The following P2RY14 variants were observed in gnomAD, a reference collection of about 807,000 sequenced individuals.
P2RY14 encodes purinergic receptor P2Y14.
A neutral mutation model predicts 0.9 loss-of-function variants in P2RY14; 2 were observed. The ratio of observed to expected loss-of-function variants is 2.16; its 90% CI spans 0.88 to 6.79. The LOEUF (loss-of-function observed/expected upper bound fraction) is 6.79. P2RY14 is among the 30% of genes most tolerant of loss of function. P2RY14 has a pLI of 0.05. For missense variants in P2RY14, 378 were observed against 400.1 expected, an observed-to-expected ratio of 0.94 and a Z score of 0.47; for synonymous variants, 158 against 147.2, an observed-to-expected ratio of 1.07 and a Z score of -0.53.
chr3:151,245,135 G>C (rs1370126944), intron 1 of P2RY14, among the ~76,000 whole-genome samples: 2 of 152,122 alleles, frequency 1.3e-5, no homozygotes, highest in African/African-American at 4.8e-5. Flanking sequence ...CAATAGCTTA[G>C]CAACCAAAAA....
At chr3:151,225,237 A>G (rs1240255909) in intron 1 of P2RY14, among the ~76,000 whole-genome samples, 1 of 151,606 alleles carries the variant, frequency 6.6e-6, no homozygotes, top group Non-Finnish European at 1.5e-5. Flanking sequence ...AATTGGCTAC[A>G]CTCCCCTTAT....
chr3:151,256,857 T>G (rs951409378), intron 1 of P2RY14, among the ~76,000 whole-genome samples: 1 of 151,826 alleles, frequency 6.6e-6, no homozygotes, highest in Non-Finnish European at 1.5e-5. Flanking sequence ...AGGTTTTTTT[T>G]TTGTTGTTTT....
chr3:151,266,823 G>A (rs1011011599), intron 1 of P2RY14, among the ~76,000 whole-genome samples: 6 of 152,194 alleles, frequency 3.9e-5, no homozygotes, highest in East Asian at 1.9e-4. Flanking sequence ...GATGTCCTAC[G>A]AAGGGAAAAC....
chr3:151,221,009 G>C (rs1729232497), intron 1 of P2RY14, among the ~76,000 whole-genome samples: 1 of 152,168 alleles, frequency 6.6e-6, no homozygotes, highest in East Asian at 1.9e-4. Flanking sequence ...ATAGTGATAT[G>C]GACGATAAAG....
chr3:151,227,665 A>G (rs911851070), intron 1 of P2RY14, among the ~76,000 whole-genome samples: 3 of 152,216 alleles, frequency 2.0e-5, no homozygotes, highest in African/African-American at 7.2e-5. Context: ...ATACATAGTC[A>G]TGCAGTCTTC....
chr3:151,238,469 T>C (rs1198443644), intron 1 of P2RY14, among the ~76,000 whole-genome samples: 1 of 152,238 alleles, frequency 6.6e-6, no homozygotes, highest in Non-Finnish European at 1.5e-5. Context: ...TTTTAAAATG[T>C]GGTCTGCAGA....
intron 1 of P2RY14, among the ~76,000 whole-genome samples, chr3:151,228,957 A>G (rs1281368165): frequency 6.6e-6 from 1 of 152,214 alleles, no homozygotes; most frequent in East Asian, 1.9e-4. Context: ...TCAGGCAAGC[A>G]GTACTCAGAT....
chr3:151,275,486 A>C (rs960247041), intron 1 of P2RY14, among the ~76,000 whole-genome samples: 1 of 152,200 alleles, frequency 6.6e-6, no homozygotes, highest in Non-Finnish European at 1.5e-5. Context: ...ATACCGAGTA[A>C]AGACAAAAAT....
At chr3:151,236,277 G>C (rs1004635374) in intron 1 of P2RY14, among the ~76,000 whole-genome samples, 1 of 152,130 alleles carries the variant, frequency 6.6e-6, no homozygotes, top group African/African-American at 2.4e-5. Flanking sequence ...CACTTCTAGA[G>C]TTTTAAAATG....
intron 1 of P2RY14, among the ~76,000 whole-genome samples, chr3:151,233,288 A>T (rs575398399): frequency 4.2e-4 from 64 of 152,280 alleles, no homozygotes; most frequent in African/African-American, 1.5e-3. Context: ...TTCTCATCAC[A>T]TTCTGTAGCA....
intron 1 of P2RY14, among the ~76,000 whole-genome samples, chr3:151,233,183 C>T (rs924184617): frequency 5.3e-5 from 8 of 152,152 alleles, no homozygotes; most frequent in Non-Finnish European, 1.2e-4. Flanking sequence ...TGGATGTTGA[C>T]GAGCCCGGCT....
At position 151,213,379 on chromosome 3, in the gene P2RY14, G is replaced by T. The variant is rs544240634; in HGVS notation, c.938C>A (p.Pro313Gln). The change falls in exon 3 of 3, where the codon CCA (proline) becomes CAA (glutamine). Residue 313 changes from proline to glutamine, a missense_variant. Transcript: ENST00000309170. ...GTCTAGGTCATTCTGAGCTTTTAAT[G>T]GAATGTGCAATTTCTTACATAAGAT... ...REILCKKLHI[P>Q]LKAQNDLDIS... 10 of 1,613,736 alleles carry T rather than the reference G, an allele frequency of 6.2e-6. No homozygotes were observed. Among genetic ancestry groups the T allele is most frequent in the Non-Finnish European group, 8.5e-6 (10 of 1,179,692 alleles).
chr3:151,224,369 G>A (rs1199024002), intron 1 of P2RY14, among the ~76,000 whole-genome samples: 2 of 151,174 alleles, frequency 1.3e-5, no homozygotes, highest in East Asian at 3.9e-4. Context: ...ATAGATGTAT[G>A]TAATCATTTA....
chr3:151,266,752 C>A (rs1739909789), intron 1 of P2RY14, among the ~76,000 whole-genome samples: 1 of 152,132 alleles, frequency 6.6e-6, no homozygotes, highest in South Asian at 2.1e-4. Context: ...AGCATACATG[C>A]AGGAAATAGT....
chr3:151,228,378 T>G (rs1242516434), intron 1 of P2RY14, among the ~76,000 whole-genome samples: 1 of 152,198 alleles, frequency 6.6e-6, no homozygotes, highest in East Asian at 1.9e-4. Context: ...TGAGGCAGGC[T>G]GTGACTCAGT....
intron 1 of P2RY14, among the ~76,000 whole-genome samples, chr3:151,265,821 AT>A (rs916269910): frequency 2.6e-5 from 4 of 152,238 alleles, no homozygotes; most frequent in African/African-American, 9.6e-5. Flanking sequence ...CTCCCTGCAA[AT>A]TAAAGTCAGA....
chr3:151,249,335 A>G (rs1035932321), intron 1 of P2RY14, among the ~76,000 whole-genome samples: 6 of 152,206 alleles, frequency 3.9e-5, no homozygotes, highest in African/African-American at 1.2e-4. Context: ...TTAAGTTGTA[A>G]TTCACATGGT....
At chr3:151,273,537 G>C (rs573468922) in intron 1 of P2RY14, among the ~76,000 whole-genome samples, 1 of 151,384 alleles carries the variant, frequency 6.6e-6, no homozygotes, top group Non-Finnish European at 1.5e-5. Context: ...CACTGCGCCC[G>C]GCCTGATTGT....
chr3:151,277,386 G>A (rs1284016156), intron 1 of P2RY14, among the ~76,000 whole-genome samples: 1 of 152,032 alleles, frequency 6.6e-6, no homozygotes, highest in African/African-American at 2.4e-5. Context: ...TTTTCCGAGT[G>A]CATTGTTTTC....
Sources: gnomAD v4.1 joint callset for allele counts (sites outside exome capture counted in the v4.1 genomes callset) on GRCh38, gnomAD v4.1.1 for gene constraint, MANE v1.5 for transcripts, NCBI Gene and HGNC (gene_info 2026-07-23, HGNC 2026-07-21) for gene names.